DMD: variants seen among roughly 807,000 people sequenced by gnomAD.
DMD encodes mutant dystrophin.
DMD carries 63 observed loss-of-function variants against 330.1 expected under a neutral mutation model. The ratio of observed to expected loss-of-function variants is 0.19; its 90% CI spans 0.16 to 0.24. The LOEUF (loss-of-function observed/expected upper bound fraction) is 0.24. DMD is among the 10% of genes least tolerant of loss of function. DMD has a pLI of 1.00. For missense variants in DMD, 3,344 were observed against 2,684.1 expected (o/e 1.25, Z -5.43); for synonymous variants, 1,223 against 959.8 (o/e 1.27, Z -5.07).
At chrX:32,530,393 T>G (rs1043621983) in intron 17 of DMD, among the ~76,000 whole-genome samples, 7 of 112,185 alleles carry the variant, frequency 6.2e-5, no homozygotes, top group Admixed American at 2.8e-4. Context: ...AAAGTAAAAC[T>G]TACCTAAAAT....
chrX:32,763,103 C>G (rs1021130137), intron 7 of DMD, among the ~76,000 whole-genome samples: 5 of 111,509 alleles, frequency 4.5e-5, no homozygotes, highest in African/African-American at 1.6e-4. Flanking sequence ...CAATGAACAG[C>G]TTTTTTCAAT....
At chrX:32,468,731 T>C (rs548086614) in intron 22 of DMD, 21 bp from the exon 23 acceptor site, 2 of 1,132,967 alleles carry the variant, frequency 1.8e-6, no homozygotes, top group Non-Finnish European at 1.2e-6. Context: ...ATTTTTTAAA[T>C]ACATTTACCC....
chrX:33,320,042 C>T (rs1238137400), intron 1 of DMD, among the ~76,000 whole-genome samples: 2 of 111,364 alleles, frequency 1.8e-5, no homozygotes, highest in Non-Finnish European at 3.8e-5. Flanking sequence ...ATGGCAGCAT[C>T]AGAAGTCTCT....
At chrX:32,387,236 C>T (rs1460374934) in intron 32 of DMD, among the ~76,000 whole-genome samples, 1 of 110,904 alleles carries the variant, frequency 9.0e-6, no homozygotes, top group East Asian at 2.8e-4. Context: ...CAGCTATGTT[C>T]ACAATTATAC....
At chrX:31,523,878 A>C (rs896621427) in intron 55 of DMD, among the ~76,000 whole-genome samples, 2 of 112,084 alleles carry the variant, frequency 1.8e-5, no homozygotes, top group Non-Finnish European at 3.8e-5. Context: ...TGCCTGTTGT[A>C]GAGAAAAGAG....
rs1303280474 is a variant in DMD, at chrX:31,648,897, G to A, written c.8027+9093C>T. Reference sequence around the variant, plus strand: ...CTAGAATTGTGCAGAAAAAAATTAAGTCAAGTGATGATTATATTCATTTAT... The same window carrying A: ...CTAGAATTGTGCAGAAAAAAATTAAATCAAGTGATGATTATATTCATTTAT... On this transcript the variant is annotated intron_variant, in intron 54 of 78. Transcript: ENST00000357033. 7.3e-5 allele frequency among the ~76,000 whole-genome samples: 8 copies of A among 109,973 alleles called. No individual in the cohort carries two copies. In the Admixed American group the frequency reaches 7.8e-4, roughly 11 times the overall value.
chrX:32,500,038 G>A (rs1009509579), intron 19 of DMD, among the ~76,000 whole-genome samples: 10 of 110,547 alleles, frequency 9.0e-5, no homozygotes, highest in African/African-American at 2.6e-4. Flanking sequence ...GCCTAATGAC[G>A]TATCAGTTCG....
chrX:32,781,193 A>G lies in DMD; in HGVS notation c.649+28300T>C, dbSNP rs1295966547. On this transcript the variant is annotated intron_variant, in intron 7 of 78. Transcript: ENST00000357033. ...AGCTGTGAATAATAAAGGTCCCAGC[A>G]CATGAGGAAGTCACCACCAATAACA... is the stretch of plus-strand genomic sequence containing the variant. Among the ~76,000 whole-genome samples, 3 of 110,202 alleles carry G rather than the reference A, an allele frequency of 2.7e-5. No individual in the cohort carries two copies. In the East Asian group the frequency reaches 8.6e-4, roughly 31 times the overall value.
chrX:32,528,909 T>C (rs1285883040), intron 17 of DMD, among the ~76,000 whole-genome samples: 8 of 94,970 alleles, frequency 8.4e-5, no homozygotes, highest in African/African-American at 2.6e-4. Flanking sequence ...GTATTTCTTT[T>C]TTTTTTTTTT....
intron 64 of DMD, among the ~76,000 whole-genome samples, chrX:31,221,572 C>G (rs140722977): frequency 3.3e-3 from 370 of 112,947 alleles, no homozygotes; most frequent in African/African-American, 0.011. Context: ...CATAGTACCC[C>G]ATTGTCCCAC....
At chrX:32,123,107 A>G (rs2096644196) in intron 44 of DMD, among the ~76,000 whole-genome samples, 1 of 102,467 alleles carries the variant, frequency 9.8e-6, no homozygotes, top group East Asian at 3.1e-4. Context: ...ACCTTGTCTC[A>G]GGTAAATGTG....
At chrX:31,425,037 A>T (rs762900034) in intron 60 of DMD, among the ~76,000 whole-genome samples, 1 of 112,419 alleles carries the variant, frequency 8.9e-6, no homozygotes, top group Admixed American at 9.4e-5. Flanking sequence ...TATGTTGGAT[A>T]CCTATAAATG....
intron 44 of DMD, among the ~76,000 whole-genome samples, chrX:32,010,728 C>G (rs2095701494): frequency 8.9e-6 from 1 of 111,905 alleles, no homozygotes; most frequent in Admixed American, 9.5e-5. Context: ...GGTACCTCTT[C>G]CATGTGTTTG....
At chrX:31,741,430 T>C (rs924122204) in intron 51 of DMD, among the ~76,000 whole-genome samples, 1 of 112,071 alleles carries the variant, frequency 8.9e-6, no homozygotes, top group African/African-American at 3.2e-5. Flanking sequence ...TTGAAGTGAC[T>C]TCTTGATCCA....
intron 7 of DMD, among the ~76,000 whole-genome samples, chrX:32,780,871 C>G (rs1055234200): frequency 9.2e-6 from 1 of 108,816 alleles, no homozygotes; most frequent in Admixed American, 9.9e-5. Flanking sequence ...GCGGGCAGAT[C>G]ACGAGGTCAG....
At chrX:32,242,592 T>A (rs2097212984) in intron 43 of DMD, among the ~76,000 whole-genome samples, 2 of 111,543 alleles carry the variant, frequency 1.8e-5, no homozygotes. Flanking sequence ...ACAAAGAGTA[T>A]GTAACTTATT....
At chrX:31,349,563 G>A (rs988365936) in intron 60 of DMD, among the ~76,000 whole-genome samples, 1 of 112,007 alleles carries the variant, frequency 8.9e-6, no homozygotes, top group African/African-American at 3.2e-5. Flanking sequence ...CCTTTAGGGG[G>A]CATGCAGTGA....
At chrX:32,739,336 G>T (rs1441400587) in intron 7 of DMD, among the ~76,000 whole-genome samples, 1 of 111,519 alleles carries the variant, frequency 9.0e-6, no homozygotes, top group Non-Finnish European at 1.9e-5. Flanking sequence ...CCCTAATGTG[G>T]CAAAATCAGG....
chrX:31,289,936 T>C (rs1465321673), intron 62 of DMD, among the ~76,000 whole-genome samples: 1 of 91,383 alleles, frequency 1.1e-5, no homozygotes, highest in Non-Finnish European at 2.2e-5. Flanking sequence ...ATTATTATTA[T>C]TTGAGACAGA....
Sources: allele counts gnomAD v4.1 joint callset (sites outside exome capture counted in the v4.1 genomes callset), GRCh38; gene constraint gnomAD v4.1.1; transcripts MANE v1.5; gene names NCBI Gene and HGNC (gene_info 2026-07-23, HGNC 2026-07-21).